The following LETMD1 variants were observed in gnomAD, a reference collection of about 807,000 sequenced individuals.
LETMD1 encodes the protein LETM1 domain-containing protein 1.
LETMD1 carries 30 observed loss-of-function variants against 43.9 expected under a neutral mutation model. The observed-to-expected ratio is 0.68, with a 90% CI of 0.51 to 0.93. LETMD1 has a LOEUF of 0.93. LETMD1 is among the 40% of genes least tolerant of loss of function. The pLI is 0.00. For missense variants in LETMD1, 413 were observed against 447.7 expected, an observed-to-expected ratio of 0.92 and a Z score of 0.70; for synonymous variants, 176 against 163.1, an observed-to-expected ratio of 1.08 and a Z score of -0.60.
At chr12:51,049,963 G>A (rs1308993787) in intron 2 of LETMD1, among the ~76,000 whole-genome samples, 3 of 152,276 alleles carry the variant, frequency 2.0e-5, no homozygotes, top group African/African-American at 2.4e-5. Context: ...AGTAATTGCG[G>A]CTTTTGGCTT....
Position 51,059,237 on chromosome 12 carries a change from A to G in LETMD1, c.1013-124A>G, listed in dbSNP as rs1415001275. ...TGAAACAAAGAAGGGGAACTTTGAGAAAAACAGCTTCTTCATTCCACCCCT... is the reference window on the plus strand; with the variant it reads ...TGAAACAAAGAAGGGGAACTTTGAGGAAAACAGCTTCTTCATTCCACCCCT... On this transcript the variant is annotated intron_variant, in intron 8 of 8. Coordinates refer to ENST00000262055, the MANE Select transcript of LETMD1 (RefSeq NM_015416.5). The G allele has an allele frequency of 5.3e-6, 4 of 752,756 alleles. No individual in the cohort carries two copies. In the Admixed American group the frequency reaches 6.7e-5, roughly 13 times the overall value. The allele number at this position is 752,756 out of a possible 1,614,324, so 46.6% of individuals were successfully genotyped here. A position where few individuals can be genotyped will look rare whatever the true frequency, so the allele number is the denominator to read the frequency against.
chr12:51,048,262 C>T (rs1409120891), upstream of LETMD1: 1 of 1,548,204 alleles, frequency 6.5e-7, no homozygotes, highest in East Asian at 2.2e-5. Flanking sequence ...CCAATCAGCG[C>T]TCAGAAAAGA....
Position 51,060,087 on chromosome 12 carries a change from GA to G in LETMD1, c.*657del, listed in dbSNP as rs1231764420. On this transcript the variant is annotated 3_prime_UTR_variant, in exon 9 of 9. Coordinates refer to ENST00000262055, the MANE Select transcript of LETMD1 (RefSeq NM_015416.5). ...ATAACAGGAAGTACAAGTGCTTCTT[GA>G]CCCCTTCCTCAATGTTTCTAGCCTT... The G allele has an allele frequency of 8.5e-5, 13 of 152,946 alleles. No homozygotes were observed. Among genetic ancestry groups the G allele is most frequent in the African/African-American group, 3.1e-4 (13 of 41,552 alleles). 9.5% of individuals were successfully genotyped at this position (152,946 alleles called of 1,614,324 possible).
the LETMD1 span, among the ~76,000 whole-genome samples, chr12:51,066,416 C>T: frequency 4.1e-5 from 6 of 145,934 alleles, no homozygotes; most frequent in African/African-American, 5.1e-5. Context: ...TCACGCGCTA[C>T]GGCACTCCAG....
chr12:51,052,369 A>G, intron 3 of LETMD1, 162 bp downstream of exon 3: 1 of 767,078 alleles, frequency 1.3e-6, no homozygotes, highest in Non-Finnish European at 2.0e-6. Flanking sequence ...GATTATTTGT[A>G]AGAATTGGGT....
In LETMD1 at chr12:51,053,780, C is replaced by A. The variant is rs1442052323; in HGVS notation, c.393C>A (p.Phe131Leu). Residue 131 changes from phenylalanine (F) to leucine (L), a missense_variant and splice_region_variant, in exon 4 of 9, where the codon TTC becomes TTA. Transcript: ENST00000262055. Reference sequence around the variant, plus strand: ...CATCTGTGTTTATTTCTGCTTAGTTCCGCCAAGACGTCACCAAGTGTCTTT... The same window carrying A: ...CATCTGTGTTTATTTCTGCTTAGTTACGCCAAGACGTCACCAAGTGTCTTT... ...PYREMEHLRQ[F>L]RQDVTKCLFL... 14 of 1,608,800 alleles carry A rather than the reference C, an allele frequency of 8.7e-6. No homozygotes were observed. Among genetic ancestry groups the A allele is most frequent in the Non-Finnish European group, 1.2e-5 (14 of 1,177,480 alleles).
In LETMD1 at chr12:51,049,106, A is replaced by C; in HGVS notation, c.195A>C (p.Lys65Asn). Residue 65 changes from lysine (K) to asparagine (N), a missense_variant, in exon 2 of 9, where the codon AAA becomes AAC. Transcript: ENST00000262055. ...TGTCTTATGTGGTAACCAAGACAAA[A>C]GCGATTAATGGGAAATACCATCGTT... Reference protein sequence around the residue: ...NLMSYVVTKTKAINGKYHRFL... With the variant: ...NLMSYVVTKTNAINGKYHRFL... The C allele has an allele frequency of 6.2e-7, 1 of 1,614,094 alleles. No individual in the cohort carries two copies. The highest frequency in any genetic ancestry group is 1.7e-5 in the Admixed American group (1 of 60,014).
chr12:51,059,262 T>A, intron 8 of LETMD1, 99 bp from the exon 9 acceptor site: 1 of 984,618 alleles, frequency 1.0e-6, no homozygotes, highest in Non-Finnish European at 1.6e-6. Flanking sequence ...ATTCCACCCC[T>A]CCCTGCACTT....
At position 51,056,002 on chromosome 12, in the gene LETMD1, T is replaced by C; in HGVS notation, c.641T>C (p.Leu214Pro). Residue 214 changes from leucine to proline, a missense_variant, in exon 5 of 9, where the codon CTG (leucine) becomes CCG (proline). Leu to Pro is a moderately conservative substitution (Grantham distance 98). Transcript: ENST00000262055. ...LISDAGLRWR[L>P]TDLCTKIQRG... ...TCTGATGCAGGACTCCGGTGGCGTC[T>C]GACAGATCTGTGCACCAAGGTATTC... 1 of 1,613,942 alleles carries C rather than the reference T, an allele frequency of 6.2e-7. No individual in the cohort carries two copies.
intron 3 of LETMD1, chr12:51,052,411 G>A (rs1335727476): frequency 1.9e-6 from 1 of 524,562 alleles, no homozygotes; most frequent in African/African-American, 1.9e-5. Flanking sequence ...CATAGCAAGA[G>A]CTCCATAGAA....
At chr12:51,063,886 CTTCATT>C, downstream of LETMD1, 1 of 1,614,044 alleles carries the variant, frequency 6.2e-7, no homozygotes, top group Non-Finnish European at 8.5e-7. Flanking sequence ...GGGTGGAAGT[CTTCATT>C]TTCAGGCTCC....
At chr12:51,064,138 T>A, downstream of LETMD1, 1 of 1,614,188 alleles carries the variant, frequency 6.2e-7, no homozygotes, top group Non-Finnish European at 8.5e-7. Flanking sequence ...AGGGGCCCAC[T>A]GTTCAAGTAG....
intron 4 of LETMD1, 36 bp downstream of exon 4, chr12:51,053,896 G>C (rs759886010): frequency 7.4e-7 from 1 of 1,358,524 alleles, no homozygotes; most frequent in South Asian, 1.3e-5. Flanking sequence ...ACATCTTGAA[G>C]ATGTATCAAT....
chr12:51,065,050 T>G (rs565773855), downstream of LETMD1, among the ~76,000 whole-genome samples: 31 of 152,286 alleles, frequency 2.0e-4, no homozygotes, highest in Middle Eastern at 6.8e-3. Flanking sequence ...CCTCAGAGAC[T>G]TTTTCAGAAC....
the LETMD1 span, among the ~76,000 whole-genome samples, chr12:51,067,208 A>C: frequency 7.2e-3 from 1,103 of 152,224 alleles, 4 homozygotes; most frequent in South Asian, 0.017. The surrounding 1 kb of genome is among the most constrained non-coding windows in gnomAD (Gnocchi z 4.1). Flanking sequence ...AGTATTTAGG[A>C]AACATTTACT....
intron 4 of LETMD1, among the ~76,000 whole-genome samples, chr12:51,055,191 C>T (rs1358083590): frequency 6.6e-6 from 1 of 152,104 alleles, no homozygotes; most frequent in Non-Finnish European, 1.5e-5. Context: ...ATATAGTGTC[C>T]TGGTCAGGCT....
chr12:51,065,641 G>A, the LETMD1 span, among the ~76,000 whole-genome samples: 1 of 151,942 alleles, frequency 6.6e-6, no homozygotes, highest in African/African-American at 2.4e-5. Context: ...AAAATTTTTT[G>A]TAGAGATGGG....
intron 7 of LETMD1, chr12:51,056,882 C>T (rs1198246785): frequency 5.7e-6 from 1 of 176,582 alleles, no homozygotes; most frequent in Non-Finnish European, 1.2e-5. Flanking sequence ...AAACCCCTGG[C>T]CTCAAGAGAT....
Position 51,060,340 on chromosome 12 carries a change from A to C in LETMD1, c.*909A>C, listed in dbSNP as rs955457961. ...TTTTGTGTGTGCATCAGTGACTTAG[A>C]GTTCTGTAATAACTTATTGTAAATG... is the stretch of plus-strand genomic sequence containing the variant. On this transcript the variant is annotated 3_prime_UTR_variant, in exon 9 of 9. Transcript: ENST00000262055. The C allele has an allele frequency of 2.6e-5, 4 of 152,522 alleles. No individual in the cohort carries two copies. Among genetic ancestry groups the C allele is most frequent in the African/African-American group, 9.7e-5 (4 of 41,442 alleles). 9.4% of individuals were successfully genotyped at this position (152,522 alleles called of 1,614,324 possible). A position where few individuals can be genotyped will look rare whatever the true frequency, so the allele number is the denominator to read the frequency against.
Sources: allele counts gnomAD v4.1 joint callset (sites outside exome capture counted in the v4.1 genomes callset), GRCh38; gene constraint gnomAD v4.1.1; non-coding constraint Gnocchi (gnomAD v3.1); transcripts MANE v1.5; gene names NCBI Gene and HGNC (gene_info 2026-07-23, HGNC 2026-07-21).